Variants in RIC1 observed in about 807,000 individuals in gnomAD.
The protein encoded by RIC1 is guanine nucleotide exchange factor subunit RIC1.
Under a neutral mutation model 169.0 loss-of-function variants are expected in RIC1, and 88 were observed. The ratio of observed to expected loss-of-function variants is 0.52; its 90% CI spans 0.44 to 0.62. RIC1 has a LOEUF of 0.62. Ranked by LOEUF, RIC1 falls within the 20% of genes least tolerant of loss-of-function variation. The probability of loss-of-function intolerance (pLI) is 0.00; values close to 1 mark genes in which losing one functional copy is unlikely to be tolerated. For missense variants in RIC1, 1,877 were observed against 1,725.5 expected (o/e 1.09, Z -1.56); for synonymous variants, 790 against 601.5 (o/e 1.31, Z -4.59).
chr9:5,720,800 A>G (rs746220958), intron 6 of RIC1, 50 bp downstream of exon 6: 2 of 1,408,464 alleles, frequency 1.4e-6, no homozygotes, highest in Non-Finnish European at 1.9e-6. Flanking sequence ...TACTTATTTT[A>G]TTCTTTGTTA....
chr9:5,774,308 G>T lies in RIC1; in HGVS notation c.*62G>T, dbSNP rs1030423269. 2.1e-6 allele frequency: 3 copies of T among 1,400,646 alleles called. No individual in the cohort carries two copies. The highest frequency in any genetic ancestry group is 3.1e-5 in the South Asian group (2 of 65,006). 86.8% of individuals were successfully genotyped at this position (1,400,646 alleles called of 1,614,324 possible). ...GCAGCAGCGTGCAGCTCAGTACGTT[G>T]TAACATAGTTGGATGATTTAACAGG... is the stretch of plus-strand genomic sequence containing the variant. On this transcript the variant is annotated 3_prime_UTR_variant, in exon 26 of 26. Transcript: ENST00000414202.
intron 1 of RIC1, among the ~76,000 whole-genome samples, chr9:5,647,005 C>A (rs529789390): frequency 6.6e-6 from 1 of 152,016 alleles, no homozygotes; most frequent in Admixed American, 6.6e-5. Flanking sequence ...GATAAGGGTC[C>A]AGCTTTATTT....
At chr9:5,632,088 C>G (rs542403169) in intron 1 of RIC1, among the ~76,000 whole-genome samples, 1 of 152,174 alleles carries the variant, frequency 6.6e-6, no homozygotes, top group Admixed American at 6.5e-5. Context: ...TGAAGTCTTA[C>G]AGCTGCTTGA....
chr9:5,682,524 A>G (rs1169252532), intron 2 of RIC1, among the ~76,000 whole-genome samples: 3 of 151,940 alleles, frequency 2.0e-5, no homozygotes, highest in African/African-American at 7.3e-5. Context: ...CTGCCAAGAG[A>G]TCGGCTGTTA....
intron 3 of RIC1, among the ~76,000 whole-genome samples, chr9:5,694,149 A>G (rs1305898309): frequency 6.6e-6 from 1 of 152,178 alleles, no homozygotes; most frequent in Non-Finnish European, 1.5e-5. Context: ...GAGGTTAGCA[A>G]TTTTTAACTT....
chr9:5,705,141 C>G (rs143940655), intron 3 of RIC1, among the ~76,000 whole-genome samples: 2 of 147,358 alleles, frequency 1.4e-5, no homozygotes, highest in African/African-American at 5.0e-5. Flanking sequence ...TTTGGCTCTT[C>G]GGGGTTCCTT....
At chr9:5,632,253 A>C (rs1276359047) in intron 1 of RIC1, among the ~76,000 whole-genome samples, 2 of 152,214 alleles carry the variant, frequency 1.3e-5, no homozygotes, top group Non-Finnish European at 2.9e-5. Context: ...ACAGTCGTTT[A>C]GTAGTCTAAG....
intron 2 of RIC1, among the ~76,000 whole-genome samples, chr9:5,658,966 G>A (rs1819279331): frequency 6.6e-6 from 1 of 151,396 alleles, no homozygotes; most frequent in African/African-American, 2.4e-5. Context: ...TATGTAAAAT[G>A]TCATTAAGGA....
rs147254818 is a variant in RIC1, at chr9:5,637,736, T to C, written c.144+8283T>C. Among the ~76,000 whole-genome samples the C allele has an allele frequency of 5.3e-5, 8 of 152,354 alleles. No individual in the cohort carries two copies. The East Asian group carries it at 1.5e-3, about 29-fold the overall frequency. ...TGTTTGTCTCTCTATGCCTTGCTTA[T>C]TGCACTTAACATAATGACCTCTAGT... On this transcript the variant is annotated intron_variant, in intron 1 of 25. Coordinates refer to ENST00000414202, the MANE Select transcript of RIC1 (RefSeq NM_020829.4).
intron 1 of RIC1, among the ~76,000 whole-genome samples, chr9:5,643,342 A>C (rs577035456): frequency 6.6e-6 from 1 of 152,098 alleles, no homozygotes. Flanking sequence ...TGTCAATATA[A>C]ACACATACTG....
At chr9:5,716,638 A>C (rs1056407410) in intron 4 of RIC1, among the ~76,000 whole-genome samples, 1 of 152,184 alleles carries the variant, frequency 6.6e-6, no homozygotes, top group East Asian at 1.9e-4. Context: ...GAACCAATAC[A>C]GCATGAAAAG....
intron 2 of RIC1, among the ~76,000 whole-genome samples, chr9:5,682,979 G>A (rs1419843974): frequency 2.0e-5 from 3 of 152,078 alleles, no homozygotes; most frequent in East Asian, 1.9e-4. Context: ...TTGCGCATTC[G>A]TCACGTAGTT....
intron 1 of RIC1, among the ~76,000 whole-genome samples, chr9:5,653,203 CTTCCT>C (rs1292269200): frequency 6.6e-6 from 1 of 152,020 alleles, no homozygotes; most frequent in Non-Finnish European, 1.5e-5. Context: ...CTCTGTTGTA[CTTCCT>C]TTCCTTGTTT....
chr9:5,733,295 G>A (rs925771234), intron 7 of RIC1, among the ~76,000 whole-genome samples: 10 of 141,946 alleles, frequency 7.0e-5, no homozygotes, highest in South Asian at 2.2e-4. Flanking sequence ...ATGGAGTCTC[G>A]CTCTGTTGCC....
At chr9:5,674,423 C>T (rs1820312952) in intron 2 of RIC1, among the ~76,000 whole-genome samples, 1 of 152,092 alleles carries the variant, frequency 6.6e-6, no homozygotes, top group Admixed American at 6.5e-5. Flanking sequence ...AGCCAGATTA[C>T]TATGACTAAT....
chr9:5,740,623 C>T (rs1305347084), intron 8 of RIC1, among the ~76,000 whole-genome samples: 1 of 150,918 alleles, frequency 6.6e-6, no homozygotes, highest in African/African-American at 2.4e-5. Flanking sequence ...AGGAAGCATC[C>T]AGCACACGAG....
chr9:5,773,816 C>T (rs907071312), intron 25 of RIC1, 142 bp from the exon 26 acceptor site: 1 of 732,158 alleles, frequency 1.4e-6, no homozygotes, highest in Non-Finnish European at 2.2e-6. Flanking sequence ...AGCCTTTCCT[C>T]CCTACCTTCT....
chr9:5,739,945 A>C (rs1388519010), intron 8 of RIC1, among the ~76,000 whole-genome samples: 1 of 152,210 alleles, frequency 6.6e-6, no homozygotes, highest in Non-Finnish European at 1.5e-5. Flanking sequence ...TCAGCCACTC[A>C]AATGATAAGA....
intron 22 of RIC1, chr9:5,769,512 T>G: frequency 7.6e-7 from 1 of 1,309,468 alleles, no homozygotes; most frequent in Non-Finnish European, 1.0e-6. Context: ...TATAAAGAAG[T>G]TGAGAACTGC....
Sources: gnomAD v4.1 joint callset for allele counts (sites outside exome capture counted in the v4.1 genomes callset) on GRCh38, gnomAD v4.1.1 for gene constraint, MANE v1.5 for transcripts, NCBI Gene and HGNC (gene_info 2026-07-23, HGNC 2026-07-21) for gene names.